Variants in GBF1 observed in about 807,000 individuals in gnomAD.
GBF1 encodes golgi brefeldin A resistant guanine nucleotide exchange factor 1, also known as Golgi-specific brefeldin A-resistance guanine nucleotide exchange factor 1.
GBF1 carries 114 observed loss-of-function variants against 210.5 expected under a neutral mutation model. The observed-to-expected ratio is 0.54, with a 90% CI of 0.47 to 0.63. The LOEUF is 0.63. GBF1 is among the 30% of genes least tolerant of loss of function. GBF1 has a pLI of 0.00. For synonymous variants in GBF1, 850 were observed against 889.2 expected, an observed-to-expected ratio of 0.96 and a Z score of 0.78; for missense variants, 1,851 against 2,357.7, an observed-to-expected ratio of 0.79 and a Z score of 4.45.
chr10:102,360,667 CAT>C (rs1371028217), intron 12 of GBF1, among the ~76,000 whole-genome samples: 1 of 152,170 alleles, frequency 6.6e-6, no homozygotes, highest in Non-Finnish European at 1.5e-5. Flanking sequence ...TTGGTTGAGC[CAT>C]AGTCAGCTTC....
At chr10:102,352,667 G>T in intron 7 of GBF1, 149 bp downstream of exon 7, 1 of 654,164 alleles carries the variant, frequency 1.5e-6, no homozygotes, top group Non-Finnish European at 2.8e-6. Flanking sequence ...CTGGGCCCAG[G>T]GTTACTGAGC....
intron 3 of GBF1, among the ~76,000 whole-genome samples, chr10:102,274,861 A>G (rs983458115): frequency 2.6e-5 from 4 of 151,356 alleles, no homozygotes; most frequent in Admixed American, 2.0e-4. Context: ...ACAGGCACCC[A>G]CCACCACGCC....
chr10:102,283,406 CAA>C (rs763099891), intron 3 of GBF1, among the ~76,000 whole-genome samples: 1 of 152,052 alleles, frequency 6.6e-6, no homozygotes, highest in South Asian at 2.1e-4. Context: ...TAGCAATGAG[CAA>C]AACAATGAGA....
At chr10:102,345,151 G>A (rs569928689) in intron 4 of GBF1, among the ~76,000 whole-genome samples, 2 of 151,102 alleles carry the variant, frequency 1.3e-5, no homozygotes, top group South Asian at 2.1e-4. Context: ...GCGTGGTGGC[G>A]GGCTTCTGTA....
intron 1 of GBF1, among the ~76,000 whole-genome samples, chr10:102,247,669 T>C (rs893060084): frequency 2.6e-5 from 4 of 152,164 alleles, no homozygotes; most frequent in African/African-American, 9.7e-5. Context: ...ATCCTAAATG[T>C]CATTTCTAGA....
At chr10:102,312,766 G>C (rs571956988) in intron 3 of GBF1, among the ~76,000 whole-genome samples, 2 of 152,102 alleles carry the variant, frequency 1.3e-5, no homozygotes, top group Admixed American at 6.5e-5. Flanking sequence ...TGTTTGCCTC[G>C]GGTACCTGTA....
intron 29 of GBF1, among the ~76,000 whole-genome samples, chr10:102,373,689 G>T (rs2060337013): frequency 6.6e-6 from 1 of 152,190 alleles, no homozygotes; most frequent in African/African-American, 2.4e-5. Context: ...TGCTGGGTGG[G>T]AATGTAAAAT....
rs531380892 is a variant in GBF1, at chr10:102,335,542, C to T, written c.164-8509C>T. On this transcript the variant is annotated intron_variant, in intron 3 of 39. Transcript: ENST00000369983. ...CCAGGCTGAACCGTGAGATAGGACA[C>T]CAGAAACCTTTCTGTTCTAGCCTTG... Among the ~76,000 whole-genome samples the T allele has an allele frequency of 2.0e-5, 3 of 152,314 alleles. No homozygotes were observed. The East Asian group carries it at 5.8e-4, about 29-fold the overall frequency.
At chr10:102,311,457 G>A (rs1368203247) in intron 3 of GBF1, among the ~76,000 whole-genome samples, 1 of 152,188 alleles carries the variant, frequency 6.6e-6, no homozygotes, top group Non-Finnish European at 1.5e-5. Context: ...TGAGCCATTT[G>A]CAAGTATCAA....
intron 3 of GBF1, among the ~76,000 whole-genome samples, chr10:102,335,462 C>T (rs186931504): frequency 1.1e-4 from 16 of 152,330 alleles, no homozygotes; most frequent in Admixed American, 9.8e-4. Flanking sequence ...CTGAAGGACT[C>T]AGGCAGTTTT....
chr10:102,382,220 C>T lies in GBF1; in HGVS notation c.5467C>T (p.Pro1823Ser). The T allele has an allele frequency of 6.2e-7, 1 of 1,614,040 alleles. No homozygotes were observed. The highest frequency in any genetic ancestry group is 1.3e-5 in the African/African-American group (1 of 75,038). ...GGCCTCCCCACTGCAGGTGGGCGTG[C>T]CACCTATGACTCTGCCCATCATCCT... The part of the protein sequence containing the change: ...PLASPLQVGV[P>S]PMTLPIILNP... Residue 1823 changes from proline to serine, a missense_variant, in exon 40 of 40, where the codon CCA becomes TCA. Physicochemically the swap from Pro to Ser is moderately conservative, Grantham distance 74. Coordinates refer to ENST00000369983, the MANE Select transcript of GBF1 (RefSeq NM_001377137.1).
Position 102,370,248 on chromosome 10 carries a change from A to G in GBF1, c.3411+3A>G, listed in dbSNP as rs1440611619. 5.5e-5 allele frequency: 88 copies of G among 1,600,752 alleles called. No individual in the cohort carries two copies. The highest frequency in any genetic ancestry group is 6.9e-5 in the Non-Finnish European group (81 of 1,167,890). On this transcript the variant is annotated splice_donor_region_variant and intron_variant, in intron 27 of 39. Transcript: ENST00000369983. ...AGTCACTACAGGAGCTCATGAAGGTAAAGGATGAAGAAAGGAAACATGGAA... is the reference window on the plus strand; with the variant it reads ...AGTCACTACAGGAGCTCATGAAGGTGAAGGATGAAGAAAGGAAACATGGAA...
intron 3 of GBF1, among the ~76,000 whole-genome samples, chr10:102,265,355 G>C (rs2073747703): frequency 6.6e-6 from 1 of 151,998 alleles, no homozygotes; most frequent in Admixed American, 6.6e-5. Flanking sequence ...GAAAATTTTT[G>C]GTTTAAAACA....
chr10:102,332,170 C>T (rs1292380671), intron 3 of GBF1, among the ~76,000 whole-genome samples: 2 of 151,644 alleles, frequency 1.3e-5, no homozygotes, highest in Non-Finnish European at 2.9e-5. Flanking sequence ...TTCCCCTATA[C>T]TTTAAATCAT....
At chr10:102,284,318 A>G (rs111227067) in intron 3 of GBF1, among the ~76,000 whole-genome samples, 263 of 152,318 alleles carry the variant, frequency 1.7e-3, no homozygotes, top group African/African-American at 5.9e-3. Context: ...GTGAAACAAT[A>G]TAGTGGCATT....
At chr10:102,232,597 G>A in the GBF1 span, among the ~76,000 whole-genome samples, 17 of 152,274 alleles carry the variant, frequency 1.1e-4, no homozygotes, top group African/African-American at 4.1e-4. Flanking sequence ...CAGGAGAATC[G>A]CTTGAACCTG....
intron 1 of GBF1, among the ~76,000 whole-genome samples, chr10:102,246,643 C>T (rs2070870990): frequency 6.6e-6 from 1 of 152,172 alleles, no homozygotes; most frequent in South Asian, 2.1e-4. Flanking sequence ...AGATTTTCAG[C>T]CAATTGTAGG....
At chr10:102,281,324 T>C (rs2075455444) in intron 3 of GBF1, among the ~76,000 whole-genome samples, 1 of 152,152 alleles carries the variant, frequency 6.6e-6, no homozygotes, top group Admixed American at 6.5e-5. Flanking sequence ...GGGGCTAGAC[T>C]CTTCCACACC....
At chr10:102,376,459 A>C (rs1343307683) in intron 31 of GBF1, 27 bp downstream of exon 31, 2 of 1,613,284 alleles carry the variant, frequency 1.2e-6, no homozygotes, top group Non-Finnish European at 1.7e-6. Flanking sequence ...GCAGCAATTG[A>C]GTCTCTCCTG....
Sources: gnomAD v4.1 joint callset for allele counts (sites outside exome capture counted in the v4.1 genomes callset) on GRCh38, gnomAD v4.1.1 for gene constraint, MANE v1.5 for transcripts, NCBI Gene and HGNC (gene_info 2026-07-23, HGNC 2026-07-21) for gene names.